Variants in NPAS3 observed in about 807,000 individuals in gnomAD.
NPAS3 encodes neuronal PAS domain protein 3.
NPAS3 carries 14 observed loss-of-function variants against 73.1 expected under a neutral mutation model. That is an observed-to-expected ratio of 0.19 (90% CI 0.13 to 0.30). The LOEUF is 0.30. NPAS3 is among the 10% of genes least tolerant of loss of function. NPAS3 has a pLI of 1.00. For missense variants in NPAS3, 1,096 were observed against 1,250.0 expected (o/e 0.88, Z 1.86); for synonymous variants, 620 against 541.5 (o/e 1.14, Z -2.01).
intron 2 of NPAS3, among the ~76,000 whole-genome samples, chr14:33,114,330 C>T (rs1421481037): frequency 6.6e-6 from 1 of 152,072 alleles, no homozygotes; most frequent in Non-Finnish European, 1.5e-5. Context: ...ACTACCATGC[C>T]CAGCCTAGTT....
intron 1 of NPAS3, among the ~76,000 whole-genome samples, chr14:33,001,523 G>A (rs1889762): frequency 0.13 from 19,184 of 151,894 alleles, 2,427 homozygotes; most frequent in African/African-American, 0.32. Context: ...GTGCCCTGCC[G>A]TCACCTCACA....
At chr14:32,999,288 G>A (rs2038709490) in intron 1 of NPAS3, among the ~76,000 whole-genome samples, 1 of 152,148 alleles carries the variant, frequency 6.6e-6, no homozygotes, top group African/African-American at 2.4e-5. Context: ...AAGGTGGGCA[G>A]ATCACAAGGT....
chr14:33,758,775 A>G (rs1294634308), intron 7 of NPAS3, among the ~76,000 whole-genome samples: 11 of 152,250 alleles, frequency 7.2e-5, no homozygotes, highest in Admixed American at 6.5e-4. Context: ...AAACAAAAGG[A>G]AGAAACTGAC....
At chr14:33,759,266 A>G (rs190255796) in intron 7 of NPAS3, among the ~76,000 whole-genome samples, 73 of 152,362 alleles carry the variant, frequency 4.8e-4, no homozygotes, top group Admixed American at 2.4e-3. Flanking sequence ...TTGCTTTGGG[A>G]AAGTGTGCCA....
intron 5 of NPAS3, among the ~76,000 whole-genome samples, chr14:33,571,141 C>T (rs1174994771): frequency 6.6e-6 from 1 of 152,184 alleles, no homozygotes; most frequent in Admixed American, 6.5e-5. Context: ...GTCTGTTAGA[C>T]ATTGAGTCTT....
chr14:33,280,026 C>A (rs531863703), intron 3 of NPAS3, among the ~76,000 whole-genome samples: 1 of 152,152 alleles, frequency 6.6e-6, no homozygotes, highest in Admixed American at 6.6e-5. Context: ...TGCAGCCTAA[C>A]ACTGTGTGAA....
intron 5 of NPAS3, among the ~76,000 whole-genome samples, chr14:33,603,865 G>A (rs953110069): frequency 1.3e-5 from 2 of 152,036 alleles, no homozygotes; most frequent in Admixed American, 6.6e-5. Context: ...TTATATAAAA[G>A]TAAAATGCAT....
intron 10 of NPAS3, among the ~76,000 whole-genome samples, chr14:33,794,940 G>A (rs1442696708): frequency 6.6e-6 from 1 of 152,186 alleles, no homozygotes; most frequent in African/African-American, 2.4e-5. Flanking sequence ...CCACCAAGCA[G>A]AGCCCACACG....
intron 3 of NPAS3, among the ~76,000 whole-genome samples, chr14:33,239,828 C>T (rs555075769): frequency 6.6e-5 from 10 of 151,826 alleles, no homozygotes; most frequent in African/African-American, 2.4e-4. Flanking sequence ...AATTTGCTCC[C>T]TTCACATACA....
At chr14:33,395,312 A>G (rs1454928423) in intron 4 of NPAS3, among the ~76,000 whole-genome samples, 1 of 152,134 alleles carries the variant, frequency 6.6e-6, no homozygotes, top group African/African-American at 2.4e-5. Flanking sequence ...TTGGCAGTTG[A>G]TGAAAATATC....
chr14:33,746,786 C>T (rs1158259424), intron 7 of NPAS3, among the ~76,000 whole-genome samples: 3 of 151,886 alleles, frequency 2.0e-5, no homozygotes, highest in Non-Finnish European at 4.4e-5. Context: ...GGTACATGTG[C>T]ACATTGTGCA....
intron 5 of NPAS3, among the ~76,000 whole-genome samples, chr14:33,610,177 A>C (rs925090479): frequency 3.9e-5 from 6 of 152,322 alleles, no homozygotes; most frequent in African/African-American, 1.4e-4. Flanking sequence ...AAAGAATATA[A>C]ATTCATTAAT....
At chr14:33,300,115 G>T (rs1007082625) in intron 3 of NPAS3, among the ~76,000 whole-genome samples, 16 of 152,154 alleles carry the variant, frequency 1.1e-4, no homozygotes, top group Admixed American at 1.0e-3. Flanking sequence ...AAAGATTTCA[G>T]TTTACATTTG....
In NPAS3 at chr14:33,457,875, C is replaced by G. The variant is rs1468830887; in HGVS notation, c.468+90607C>G. Among the ~76,000 whole-genome samples, 14 of 152,266 alleles carry G rather than the reference C, an allele frequency of 9.2e-5. 1 individual carries two copies. In the South Asian group the frequency reaches 2.5e-3, roughly 27 times the overall value. The stretch of plus-strand genomic sequence containing the variant: ...CACCCTGGCCAACCCCCTGGACACC[C>G]CTTGTTTGCAGGAACCTGTGTTTAT... On this transcript the variant is annotated intron_variant, in intron 4 of 11. Transcript: ENST00000356141.
chr14:33,182,192 G>A (rs942133188), intron 2 of NPAS3, among the ~76,000 whole-genome samples: 1 of 152,154 alleles, frequency 6.6e-6, no homozygotes, highest in Non-Finnish European at 1.5e-5. Context: ...TGGCAATTGT[G>A]TGTTAGGTAT....
At chr14:33,079,029 TTGACTTCCC>T (rs1371230165) in intron 2 of NPAS3, among the ~76,000 whole-genome samples, 1 of 152,212 alleles carries the variant, frequency 6.6e-6, no homozygotes, top group African/African-American at 2.4e-5. Context: ...CTGGTAATAG[TTGACTTCCC>T]TGAGTCTCAA....
At chr14:33,691,961 G>A (rs573369562) in intron 6 of NPAS3, among the ~76,000 whole-genome samples, 25 of 152,284 alleles carry the variant, frequency 1.6e-4, no homozygotes, top group Non-Finnish European at 2.8e-4. Context: ...TATTCATAAA[G>A]ATTTTATTTG....
At chr14:33,286,923 C>G (rs1023682973) in intron 3 of NPAS3, among the ~76,000 whole-genome samples, 1 of 152,098 alleles carries the variant, frequency 6.6e-6, no homozygotes, top group African/African-American at 2.4e-5. Flanking sequence ...AAATCATTTC[C>G]TAAGTGGGAG....
At chr14:33,694,088 G>A (rs903771392) in intron 6 of NPAS3, among the ~76,000 whole-genome samples, 7 of 151,924 alleles carry the variant, frequency 4.6e-5, no homozygotes, top group East Asian at 1.9e-4. Flanking sequence ...AAGATTAAAT[G>A]TTGTCAACAT....
Sources: gnomAD v4.1 joint callset for allele counts (sites outside exome capture counted in the v4.1 genomes callset) on GRCh38, gnomAD v4.1.1 for gene constraint, MANE v1.5 for transcripts, NCBI Gene and HGNC (gene_info 2026-07-23, HGNC 2026-07-21) for gene names.